Variants in SCRG1 observed in about 807,000 individuals in gnomAD.
SCRG1 encodes the protein stimulator of chondrogenesis 1.
Under a neutral mutation model 7.7 loss-of-function variants are expected in SCRG1, and 3 were observed. That is an observed-to-expected ratio of 0.39 (90% CI 0.18 to 1.01). The LOEUF is 1.01. Ranked by LOEUF, SCRG1 falls within the 50% of genes least tolerant of loss-of-function variation. The pLI is 0.36. For missense variants in SCRG1, 110 were observed against 117.2 expected, an observed-to-expected ratio of 0.94 and a Z score of 0.28; for synonymous variants, 46 against 41.2, an observed-to-expected ratio of 1.12 and a Z score of -0.44.
At chr4:173,472,475 G>C in the SCRG1 span, among the ~76,000 whole-genome samples, 1 of 152,206 alleles carries the variant, frequency 6.6e-6, no homozygotes, top group African/African-American at 2.4e-5. Flanking sequence ...CAGATCTGCA[G>C]TCAGAAAGCT....
the SCRG1 span, among the ~76,000 whole-genome samples, chr4:173,451,643 TTTATTTA>T: frequency 4.6e-5 from 4 of 86,146 alleles, no homozygotes; most frequent in Non-Finnish European, 9.5e-5. Context: ...ATTTTATTTA[TTTATTTA>T]TTTATTTATT....
intron 2 of SCRG1, among the ~76,000 whole-genome samples, chr4:173,390,202 C>T (rs1739386720): frequency 6.6e-6 from 1 of 152,048 alleles, no homozygotes; most frequent in Non-Finnish European, 1.5e-5. Context: ...TGCCACCATG[C>T]CTGGCTAATT....
At chr4:173,518,788 G>T in the SCRG1 span, among the ~76,000 whole-genome samples, 1 of 152,196 alleles carries the variant, frequency 6.6e-6, no homozygotes, top group Admixed American at 6.5e-5. Context: ...TGGCTGGCAG[G>T]AGCAGGTTCA....
rs1436418872 is a variant in SCRG1 at position 173,391,361 on chromosome 4, A to G, written c.54T>C (p.Val18=). Residue 18 remains valine, a synonymous_variant, in exon 2 of 3, where the codon GTT becomes GTC. Coordinates refer to ENST00000296506, the MANE Select transcript of SCRG1 (RefSeq NM_007281.4). ...FTIGLTLLLG[V]QAMPANRLSC... ...AGAGGCGATTTGCAGGCATGGCTTG[A>G]ACTCCTAGCAGCAAAGTTAGCCCAA... The G allele has an allele frequency of 1.9e-6, 3 of 1,614,192 alleles. No homozygotes were observed. The highest frequency in any genetic ancestry group is 1.7e-6 in the Non-Finnish European group (2 of 1,180,030).
At chr4:173,451,629 ACTTAT>A in the SCRG1 span, among the ~76,000 whole-genome samples, 10,888 of 44,784 alleles carry the variant, frequency 0.24, 634 homozygotes, top group Middle Eastern at 0.39. Context: ...TATTTTACTT[ACTTAT>A]TTTATTTATT....
the SCRG1 span, among the ~76,000 whole-genome samples, chr4:173,461,908 C>A: frequency 6.6e-6 from 1 of 151,562 alleles, no homozygotes; most frequent in African/African-American, 2.4e-5. Context: ...ATTCTGGAGC[C>A]AAAAAATGCA....
At chr4:173,394,478 A>G (rs1739541271) in intron 1 of SCRG1, among the ~76,000 whole-genome samples, 1 of 152,066 alleles carries the variant, frequency 6.6e-6, no homozygotes, top group South Asian at 2.1e-4. Context: ...CCCTGTCTCT[A>G]CTAAAAATAC....
chr4:173,417,852 C>T, the SCRG1 span, among the ~76,000 whole-genome samples: 1 of 152,146 alleles, frequency 6.6e-6, no homozygotes, highest in Admixed American at 6.5e-5. Flanking sequence ...ACCTGCAACA[C>T]ACCTTGGACC....
rs766494894 is a variant in SCRG1 at position 173,391,150 on chromosome 4, A to C, written c.242+23T>G. ...TTCTGCATACATTTCCAGGCAATAC[A>C]CTTTGTGATACCATTTCCTTACTTT... On this transcript the variant is annotated intron_variant, in intron 2 of 2. Transcript: ENST00000296506. 7 of 1,612,620 alleles carry C rather than the reference A, an allele frequency of 4.3e-6. No homozygotes were observed. The Admixed American group carries it at 1.2e-4, about 27-fold the overall frequency.
the SCRG1 span, among the ~76,000 whole-genome samples, chr4:173,490,013 C>A: frequency 2.0e-5 from 3 of 152,132 alleles, no homozygotes; most frequent in African/African-American, 7.2e-5. Flanking sequence ...AGCCACAGTT[C>A]ATAAAGCAGG....
the SCRG1 span, among the ~76,000 whole-genome samples, chr4:173,500,128 T>A: frequency 5.9e-5 from 9 of 152,164 alleles, no homozygotes; most frequent in African/African-American, 2.2e-4. Context: ...CCCTTTGAGA[T>A]TCAAGTTTGT....
At chr4:173,457,030 C>T in the SCRG1 span, among the ~76,000 whole-genome samples, 1 of 152,328 alleles carries the variant, frequency 6.6e-6, no homozygotes, top group Non-Finnish European at 1.5e-5. Flanking sequence ...TCTTTCTCTA[C>T]ATCAGAGGCC....
the SCRG1 span, among the ~76,000 whole-genome samples, chr4:173,455,473 C>A: frequency 2.6e-5 from 4 of 152,072 alleles, no homozygotes; most frequent in Non-Finnish European, 4.4e-5. Context: ...AGTCCCCTGG[C>A]CTTTGGCTGC....
the SCRG1 span, among the ~76,000 whole-genome samples, chr4:173,483,953 ATATAT>A: frequency 9.3e-3 from 243 of 26,100 alleles, 2 homozygotes; most frequent in African/African-American, 0.019. Context: ...ATCATATATA[ATATAT>A]TATATATTTT....
At chr4:173,437,865 A>G in the SCRG1 span, among the ~76,000 whole-genome samples, 1 of 152,214 alleles carries the variant, frequency 6.6e-6, no homozygotes, top group Non-Finnish European at 1.5e-5. Flanking sequence ...GAAAAAACAT[A>G]GGCAGTGCCA....
the SCRG1 span, among the ~76,000 whole-genome samples, chr4:173,459,037 G>T: frequency 4.0e-4 from 61 of 152,096 alleles, no homozygotes; most frequent in Non-Finnish European, 7.4e-4. Flanking sequence ...ATGATAAAAG[G>T]TTCAAAAGGA....
At chr4:173,466,111 A>C in the SCRG1 span, among the ~76,000 whole-genome samples, 1 of 152,136 alleles carries the variant, frequency 6.6e-6, no homozygotes, top group African/African-American at 2.4e-5. Context: ...ACAGGTTAAA[A>C]AGAAGAAGAA....
chr4:173,479,020 C>A, the SCRG1 span, among the ~76,000 whole-genome samples: 2 of 152,302 alleles, frequency 1.3e-5, no homozygotes, highest in Non-Finnish European at 2.9e-5. Context: ...AGTCTACTAG[C>A]CGTCATTCCC....
the SCRG1 span, among the ~76,000 whole-genome samples, chr4:173,435,370 G>T: frequency 6.6e-6 from 1 of 152,196 alleles, no homozygotes. Context: ...TGAATCCTCA[G>T]AACCAAGGAG....
Sources: allele counts gnomAD v4.1 joint callset (sites outside exome capture counted in the v4.1 genomes callset), GRCh38; gene constraint gnomAD v4.1.1; transcripts MANE v1.5; gene names NCBI Gene and HGNC (gene_info 2026-07-23, HGNC 2026-07-21).